The following PCDHA10 variants were observed in gnomAD, a reference collection of about 807,000 sequenced individuals.
PCDHA10 encodes protocadherin alpha 10.
Under a neutral mutation model 61.2 loss-of-function variants are expected in PCDHA10, and 45 were observed. The ratio of observed to expected loss-of-function variants is 0.74; its 90% confidence interval spans 0.58 to 0.94. The LOEUF (loss-of-function observed/expected upper bound fraction) is 0.94. Ranked by LOEUF, PCDHA10 falls within the 40% of genes least tolerant of loss-of-function variation. The pLI, the probability that PCDHA10 is intolerant of heterozygous loss-of-function variation, is 0.00. For synonymous variants in PCDHA10, 602 were observed against 548.8 expected (o/e 1.10, Z -1.35); for missense variants, 1,278 against 1,236.2 (o/e 1.03, Z -0.51).
chr5:140,915,077 C>G (rs2076970768), intron 1 of PCDHA10, among the ~76,000 whole-genome samples: 1 of 151,656 alleles, frequency 6.6e-6, no homozygotes. Flanking sequence ...TACTGAGTAG[C>G]TGGGACTATG....
intron 1 of PCDHA10, among the ~76,000 whole-genome samples, chr5:140,950,257 G>A (rs1255968081): frequency 6.6e-6 from 1 of 151,952 alleles, no homozygotes; most frequent in Non-Finnish European, 1.5e-5. Context: ...AAAGAGCTGA[G>A]TTTATCCATA....
At chr5:140,967,113 G>T in intron 1 of PCDHA10, 1 of 1,612,880 alleles carries the variant, frequency 6.2e-7, no homozygotes, top group Non-Finnish European at 8.5e-7. Flanking sequence ...CAGCGGCCTC[G>T]CTGCCTGCTC....
rs185216314 is a variant in PCDHA10, at chr5:140,968,202, A to G, written c.2389-10747A>G. On this transcript the variant is annotated intron_variant, in intron 1 of 3. Transcript: ENST00000307360. ...GAGGACTCCTATTCCATCTACATACAGGAGAACAATTTGCCAGGTGTGTTG... is the reference window on the plus strand; with the variant it reads ...GAGGACTCCTATTCCATCTACATACGGGAGAACAATTTGCCAGGTGTGTTG... The G allele has an allele frequency of 3.7e-5, 60 of 1,614,044 alleles. 1 individual carries two copies. The East Asian group carries it at 1.1e-3, about 29-fold the overall frequency.
At chr5:140,869,022 C>G in intron 1 of PCDHA10, 1 of 1,525,610 alleles carries the variant, frequency 6.6e-7, no homozygotes, top group African/African-American at 1.4e-5. Flanking sequence ...CTTAAGAATT[C>G]AACGAGATTT....
intron 2 of PCDHA10, chr5:140,982,217 C>T (rs1257918481): frequency 3.9e-6 from 2 of 507,664 alleles, no homozygotes; most frequent in Non-Finnish European, 6.2e-6. Context: ...CGCCACATGG[C>T]GTTAATAAAA....
intron 1 of PCDHA10, among the ~76,000 whole-genome samples, chr5:140,885,980 C>T (rs888571995): frequency 6.6e-6 from 1 of 151,942 alleles, no homozygotes; most frequent in African/African-American, 2.4e-5. Flanking sequence ...ATTATAGATT[C>T]GCATGTGGTT....
intron 1 of PCDHA10, among the ~76,000 whole-genome samples, chr5:140,921,151 ATT>A (rs11299094): frequency 0.33 from 49,606 of 151,532 alleles, 8,413 homozygotes; most frequent in East Asian, 0.53. Flanking sequence ...CAGCTAATGC[ATT>A]TTTTTTTTAA....
intron 1 of PCDHA10, among the ~76,000 whole-genome samples, chr5:140,900,920 T>G (rs539511607): frequency 2.0e-5 from 3 of 152,204 alleles, no homozygotes; most frequent in Non-Finnish European, 4.4e-5. Context: ...TAAGATGATA[T>G]CTCATTGTAG....
intron 1 of PCDHA10, among the ~76,000 whole-genome samples, chr5:140,917,167 ATGG>A (rs1237150759): frequency 6.6e-6 from 1 of 152,160 alleles, no homozygotes; most frequent in African/African-American, 2.4e-5. Flanking sequence ...GGGAGGGGTG[ATGG>A]TGGTGATCCC....
intron 1 of PCDHA10, among the ~76,000 whole-genome samples, chr5:140,935,422 A>G (rs2090365671): frequency 6.6e-6 from 1 of 152,228 alleles, no homozygotes; most frequent in South Asian, 2.1e-4. Context: ...TTAGAAAACA[A>G]TTTCAGCACT....
At chr5:140,927,470 G>T in intron 1 of PCDHA10, 3 of 1,614,054 alleles carry the variant, frequency 1.9e-6, no homozygotes, top group South Asian at 2.2e-5. Flanking sequence ...GCACTGGATC[G>T]CGAACAGCGC....
chr5:140,954,824 C>A (rs1167171102), intron 1 of PCDHA10, among the ~76,000 whole-genome samples: 1 of 152,068 alleles, frequency 6.6e-6, no homozygotes, highest in Admixed American at 6.6e-5. Flanking sequence ...GCTTTAGGCA[C>A]TTTTGTCATG....
intron 3 of PCDHA10, among the ~76,000 whole-genome samples, chr5:140,988,417 A>G (rs2097297098): frequency 6.6e-6 from 1 of 152,150 alleles, no homozygotes; most frequent in Non-Finnish European, 1.5e-5. Flanking sequence ...GCTTATGTAA[A>G]GAATTTGTTT....
intron 1 of PCDHA10, among the ~76,000 whole-genome samples, chr5:140,972,862 T>C (rs781936892): frequency 2.0e-5 from 3 of 151,966 alleles, no homozygotes; most frequent in Non-Finnish European, 4.4e-5. Context: ...TGGGGTTTCA[T>C]CATGTTGTCC....
At chr5:140,984,942 A>C (rs1263555467) in intron 3 of PCDHA10, among the ~76,000 whole-genome samples, 1 of 151,954 alleles carries the variant, frequency 6.6e-6, no homozygotes, top group Admixed American at 6.6e-5. Context: ...ATAAATGTCT[A>C]ATCTTTTTTT....
At chr5:140,863,232 G>C in intron 1 of PCDHA10, 1 of 1,230,740 alleles carries the variant, frequency 8.1e-7, no homozygotes, top group Non-Finnish European at 1.1e-6. Context: ...AGGTCCCATC[G>C]CGGGCTTTGG....
chr5:140,875,033 T>G (rs1377177254), intron 1 of PCDHA10, among the ~76,000 whole-genome samples: 1 of 152,236 alleles, frequency 6.6e-6, no homozygotes, highest in Non-Finnish European at 1.5e-5. Context: ...CTACTGTATT[T>G]GAAAGATTTC....
At chr5:140,877,189 G>T (rs370743077) in intron 1 of PCDHA10, 3 of 1,613,808 alleles carry the variant, frequency 1.9e-6, no homozygotes, top group Admixed American at 1.7e-5. Context: ...GGCTGGCAGC[G>T]CAGGAGGCGC....
chr5:140,979,125 C>T (rs782380399), intron 2 of PCDHA10, 118 bp downstream of exon 2: 4 of 1,479,726 alleles, frequency 2.7e-6, no homozygotes, highest in African/African-American at 2.8e-5. Context: ...GGTACTTTGC[C>T]AGGAAAATGC....
Sources: allele counts gnomAD v4.1 joint callset (sites outside exome capture counted in the v4.1 genomes callset), GRCh38; gene constraint gnomAD v4.1.1; transcripts MANE v1.5; gene names NCBI Gene and HGNC (gene_info 2026-07-23, HGNC 2026-07-21).